Variants in JAML observed in about 807,000 individuals in gnomAD.
The protein encoded by JAML is junction adhesion molecule like.
A neutral mutation model predicts 39.3 loss-of-function variants in JAML; 25 were observed. The ratio of observed to expected loss-of-function variants is 0.64; its 90% CI spans 0.46 to 0.89. The LOEUF is 0.89. Among genes scored for constraint, JAML ranks in the 40% least tolerant of loss-of-function variants. The pLI is 0.00. For synonymous variants in JAML, 162 were observed against 179.2 expected (o/e 0.90, Z 0.77); for missense variants, 440 against 486.9 (o/e 0.90, Z 0.91).
intron 2 of JAML, among the ~76,000 whole-genome samples, chr11:118,213,696 G>A (rs1949102907): frequency 1.3e-5 from 2 of 152,188 alleles, no homozygotes; most frequent in Admixed American, 6.5e-5. Flanking sequence ...TGTTTGAAGG[G>A]CAATCTTGGT....
chr11:118,210,538 G>A lies in JAML; in HGVS notation c.373C>T (p.Gln125Ter). Residue 125 changes from glutamine (Q) to a stop codon, truncating the protein, a stop_gained, in exon 4 of 10, where the codon CAG becomes TAG. Coordinates refer to ENST00000356289, the MANE Select transcript of JAML (RefSeq NM_001098526.2). LOFTEE classifies it high-confidence loss of function. Reference sequence around the variant, plus strand: ...AGTACCACCGCCTTCTTGAACACCTGGCTCTCCCCTTTGAGGCGGATTTCA... The same window carrying A: ...AGTACCACCGCCTTCTTGAACACCTAGCTCTCCCCTTTGAGGCGGATTTCA... ...ICEIRLKGES[Q>*]VFKKAVVLHV... is the part of the protein sequence containing the mutation. The A allele has an allele frequency of 1.2e-6, 2 of 1,614,144 alleles. No homozygotes were observed. The highest frequency in any genetic ancestry group is 1.7e-6 in the Non-Finnish European group (2 of 1,180,006).
intron 5 of JAML, 84 bp from the exon 6 acceptor site, chr11:118,203,749 G>T: frequency 8.8e-7 from 1 of 1,134,988 alleles, no homozygotes; most frequent in Non-Finnish European, 1.3e-6. Flanking sequence ...GAAGATCTCA[G>T]GACTCCAAGG....
chr11:118,210,556 G>C lies in JAML; in HGVS notation c.355C>G (p.Arg119Gly). The C allele has an allele frequency of 1.2e-6, 2 of 1,614,142 alleles. No homozygotes were observed. Among genetic ancestry groups the C allele is most frequent in the Non-Finnish European group, 1.7e-6 (2 of 1,180,000 alleles). The change falls in exon 4 of 10, where the codon CGC (arginine) becomes GGC (glycine). Residue 119 changes from arginine to glycine, a missense_variant. By Grantham distance (125) the Arg-to-Gly change is moderately radical. Transcript: ENST00000356289. ...AACACCTGGCTCTCCCCTTTGAGGCGGATTTCACAGATATAGGTTCCCTGG... is the reference window on the plus strand; with the variant it reads ...AACACCTGGCTCTCCCCTTTGAGGCCGATTTCACAGATATAGGTTCCCTGG... ...ADQGTYICEI[R>G]LKGESQVFKK...
Position 118,194,294 on chromosome 11 carries a change from G to A in JAML, c.*31C>T, listed in dbSNP as rs376268041. On this transcript the variant is annotated 3_prime_UTR_variant, in exon 10 of 10. Coordinates refer to ENST00000356289, the MANE Select transcript of JAML (RefSeq NM_001098526.2). ...ACACACACAGGAGAGAGTCTCCACCGCTGCTGAGATGAAGGGACTCTCCAT... is the reference window on the plus strand; with the variant it reads ...ACACACACAGGAGAGAGTCTCCACCACTGCTGAGATGAAGGGACTCTCCAT... The A allele has an allele frequency of 1.4e-5, 22 of 1,574,228 alleles. No homozygotes were observed. In the African/African-American group the frequency reaches 1.8e-4, roughly 13 times the overall value.
intron 5 of JAML, 52 bp from the exon 6 acceptor site, chr11:118,203,717 G>A (rs749171290): frequency 6.7e-7 from 1 of 1,491,228 alleles, no homozygotes; most frequent in South Asian, 1.1e-5. Flanking sequence ...AGTGGAGCGG[G>A]GAGCAGAGAA....
At position 118,194,365 on chromosome 11, in the gene JAML, T is replaced by G. The variant is rs750659401; in HGVS notation, c.1145A>C (p.Lys382Thr). The stretch of plus-strand genomic sequence containing the variant: ...TGTTTTTGGCATTCCCCCACCTGAC[T>G]TTTTTTCAAGTGAGTTGTTCCGATC... The part of the protein sequence containing the change: ...RSDRNNSLEK[K>T]SGGGMPKTQQ... Residue 382 changes from lysine (K) to threonine (T), a missense_variant, in exon 10 of 10, where the codon AAG becomes ACG. Physicochemically the swap from Lys to Thr is moderately conservative, Grantham distance 78. Coordinates refer to ENST00000356289, the MANE Select transcript of JAML (RefSeq NM_001098526.2). 6.8e-6 allele frequency: 11 copies of G among 1,613,968 alleles called. No homozygotes were observed. In the East Asian group the frequency reaches 2.5e-4, roughly 36 times the overall value.
intron 5 of JAML, chr11:118,204,943 G>A (rs1948887151): frequency 6.6e-6 from 1 of 151,888 alleles, no homozygotes; most frequent in African/African-American, 2.4e-5. Context: ...AAGTGACCTG[G>A]CCCCTAACAT....
At chr11:118,220,743 G>A (rs530166410) in intron 1 of JAML, among the ~76,000 whole-genome samples, 25 of 152,322 alleles carry the variant, frequency 1.6e-4, no homozygotes, top group Admixed American at 1.0e-3. Flanking sequence ...ACTCCTCCAG[G>A]TAAGTGCCCT....
intron 9 of JAML, among the ~76,000 whole-genome samples, chr11:118,194,869 A>C (rs958716320): frequency 6.6e-6 from 1 of 152,194 alleles, no homozygotes; most frequent in Non-Finnish European, 1.5e-5. Flanking sequence ...TGCAGTCCCA[A>C]ATTCACCAAC....
chr11:118,199,257 C>T (rs974861136), intron 7 of JAML, among the ~76,000 whole-genome samples: 4 of 152,146 alleles, frequency 2.6e-5, no homozygotes, highest in Non-Finnish European at 5.9e-5. Context: ...TTTCCTTTGG[C>T]GGGAAACTGA....
chr11:118,211,285 C>T (rs975656602), intron 3 of JAML, among the ~76,000 whole-genome samples: 2 of 152,184 alleles, frequency 1.3e-5, no homozygotes, highest in African/African-American at 2.4e-5. Context: ...TTCTGTCACC[C>T]GGGCTGGAGT....
chr11:118,207,687 T>C (rs1389870533), intron 4 of JAML, among the ~76,000 whole-genome samples: 2 of 152,092 alleles, frequency 1.3e-5, no homozygotes, highest in Non-Finnish European at 2.9e-5. Context: ...TAAAGCAAGT[T>C]GGAGCACGGT....
intron 4 of JAML, among the ~76,000 whole-genome samples, chr11:118,207,338 T>C (rs990971403): frequency 6.6e-6 from 1 of 152,154 alleles, no homozygotes; most frequent in African/African-American, 2.4e-5. Flanking sequence ...TACTCTCCCA[T>C]TTTACAGAGA....
rs200754555 is a variant in JAML, at chr11:118,215,089, G to T, written c.-20-203C>A. On this transcript the variant is annotated intron_variant, in intron 1 of 9. Coordinates refer to ENST00000356289, the MANE Select transcript of JAML (RefSeq NM_001098526.2). Reference sequence around the variant, plus strand: ...AGAAAAAAGAAGCAAATAAATGAATGAATGAATAAGAAAATACCAGATGTC... The same window carrying T: ...AGAAAAAAGAAGCAAATAAATGAATTAATGAATAAGAAAATACCAGATGTC... Among the ~76,000 whole-genome samples the T allele has an allele frequency of 9.2e-5, 14 of 152,222 alleles. No individual in the cohort carries two copies. The East Asian group carries it at 2.7e-3, about 29-fold the overall frequency.
chr11:118,201,834 G>A (rs948538676), intron 6 of JAML: 1 of 152,246 alleles, frequency 6.6e-6, no homozygotes, highest in Non-Finnish European at 1.5e-5. Flanking sequence ...TCTAGGAAAG[G>A]GAAAGAATCA....
intron 6 of JAML, chr11:118,201,883 G>A (rs1369807864): frequency 6.6e-6 from 1 of 152,240 alleles, no homozygotes; most frequent in Non-Finnish European, 1.5e-5. Context: ...ACTGAGGTTG[G>A]GGAGATGGGC....
At chr11:118,221,742 C>T (rs187498453) in intron 1 of JAML, among the ~76,000 whole-genome samples, 16 of 152,326 alleles carry the variant, frequency 1.1e-4, no homozygotes, top group Admixed American at 1.0e-3. Context: ...CAATTCCTGG[C>T]TCCAAAAGTG....
intron 1 of JAML, among the ~76,000 whole-genome samples, chr11:118,219,023 C>CAAAT: frequency 1.3e-5 from 2 of 152,304 alleles, no homozygotes; most frequent in Non-Finnish European, 2.9e-5. Flanking sequence ...TAAATTCTGG[C>CAAAT]AAATACCTTC....
At chr11:118,215,533 TAGAG>T (rs1323321010) in intron 1 of JAML, among the ~76,000 whole-genome samples, 1 of 151,566 alleles carries the variant, frequency 6.6e-6, no homozygotes, top group East Asian at 1.9e-4. Flanking sequence ...TTTTAAGTAG[TAGAG>T]AGGTCTCACT....
Sources: gnomAD v4.1 joint callset for allele counts (sites outside exome capture counted in the v4.1 genomes callset) on GRCh38, gnomAD v4.1.1 for gene constraint, MANE v1.5 for transcripts, NCBI Gene and HGNC (gene_info 2026-07-23, HGNC 2026-07-21) for gene names.